RTRAF: variants seen among roughly 807,000 people sequenced by gnomAD.
RTRAF encodes the protein tRNA-splicing ligase complex subunit RTRAF.
A neutral mutation model predicts 34.4 loss-of-function variants in RTRAF; 14 were observed. That is an observed-to-expected ratio of 0.41 (90% CI 0.27 to 0.64). The LOEUF (loss-of-function observed/expected upper bound fraction) is 0.64, where lower values mean the gene tolerates loss of function less well. Among genes scored for constraint, RTRAF ranks in the 30% least tolerant of loss-of-function variants. The pLI is 0.34. For synonymous variants in RTRAF, 96 were observed against 95.3 expected (o/e 1.01, Z -0.04); for missense variants, 291 against 288.4 (o/e 1.01, Z -0.06).
rs1890836738 is a variant in RTRAF at position 52,007,611 on chromosome 14, A to C, written c.*3095A>C. 6.9e-6 allele frequency: 4 copies of C among 577,756 alleles called. No homozygotes were observed. In the African/African-American group the frequency reaches 7.6e-5, roughly 11 times the overall value. The allele number at this position is 577,756 out of a possible 1,614,324, so 35.8% of individuals were successfully genotyped here. On this transcript the variant is annotated 3_prime_UTR_variant, in exon 8 of 8. Coordinates refer to ENST00000261700, the MANE Select transcript of RTRAF (RefSeq NM_016039.3). ...AAGCAGTACAAACTTACTGCTTGAT[A>C]TATCCTTCCCTCCACCCAAACCCCA...
At chr14:51,996,970 T>G (rs1268412686) in intron 3 of RTRAF, among the ~76,000 whole-genome samples, 1 of 152,042 alleles carries the variant, frequency 6.6e-6, no homozygotes, top group Non-Finnish European at 1.5e-5. Flanking sequence ...ATATGATGTT[T>G]CCTCATGATT....
chr14:52,007,680 A>G lies in RTRAF; in HGVS notation c.*3164A>G. ...TCATTTACTAGTACTTAAATTTACT[A>G]GTACTTAAAAGTTTACAGACCAAAG... is the stretch of plus-strand genomic sequence containing the variant. On this transcript the variant is annotated 3_prime_UTR_variant, in exon 8 of 8. Transcript: ENST00000261700. 2.4e-6 allele frequency: 2 copies of G among 825,382 alleles called. No individual in the cohort carries two copies. The highest frequency in any genetic ancestry group is 2.0e-6 in the Non-Finnish European group (1 of 507,008). The allele number at this position is 825,382 out of a possible 1,614,324, so 51.1% of individuals were successfully genotyped here. A position where few individuals can be genotyped will look rare whatever the true frequency, so the allele number is the denominator to read the frequency against.
In RTRAF at chr14:52,004,549, G is replaced by A. The variant is rs1450405040; in HGVS notation, c.*33G>A. The A allele has an allele frequency of 1.9e-6, 3 of 1,561,340 alleles. No individual in the cohort carries two copies. The South Asian group carries it at 3.4e-5, about 18-fold the overall frequency. On this transcript the variant is annotated 3_prime_UTR_variant, in exon 8 of 8. Coordinates refer to ENST00000261700, the MANE Select transcript of RTRAF (RefSeq NM_016039.3). ...AGGACTTCAGCTTCTCACCTACTTA[G>A]TACAGTTGGGAACCATACACTTCTG...
At chr14:51,989,782 G>C (rs1334560231) in intron 1 of RTRAF, 82 bp downstream of exon 1, 41 of 1,398,112 alleles carry the variant, frequency 2.9e-5, no homozygotes, top group Non-Finnish European at 3.8e-5. Context: ...CCACCTCCCC[G>C]TCGGGACCCT....
rs1489550750 is a variant in RTRAF, at chr14:52,006,613, C to T, written c.*2097C>T. 1 of 1,613,904 alleles carries T rather than the reference C, an allele frequency of 6.2e-7. No individual in the cohort carries two copies. The highest frequency in any genetic ancestry group is 8.5e-7 in the Non-Finnish European group (1 of 1,179,808). On this transcript the variant is annotated 3_prime_UTR_variant, in exon 8 of 8. Transcript: ENST00000261700. ...GGGTACTTGAGGTTGTTTTGAATGACACGCCGTCCAGTTCCATCAGGTAGT... is the reference window on the plus strand; with the variant it reads ...GGGTACTTGAGGTTGTTTTGAATGATACGCCGTCCAGTTCCATCAGGTAGT...
chr14:51,993,826 C>T lies in RTRAF; in HGVS notation c.286+4C>T, dbSNP rs201352528. Reference sequence around the variant, plus strand: ...AGACTTGAATATGGAGATAATGGTACGTTTTGTGGGGAATGTGTATTTTAA... The same window carrying T: ...AGACTTGAATATGGAGATAATGGTATGTTTTGTGGGGAATGTGTATTTTAA... On this transcript the variant is annotated splice_donor_region_variant and intron_variant, in intron 3 of 7. Transcript: ENST00000261700. 320 of 1,504,472 alleles carry T rather than the reference C, an allele frequency of 2.1e-4. 2 individuals carry two copies. In the Middle Eastern group the frequency reaches 0.01, roughly 49 times the overall value. 93.2% of individuals were successfully genotyped at this position (1,504,472 alleles called of 1,614,324 possible).
At chr14:51,991,588 T>C in intron 2 of RTRAF, 147 bp downstream of exon 2, 1 of 892,098 alleles carries the variant, frequency 1.1e-6, no homozygotes, top group African/African-American at 1.7e-5. Flanking sequence ...GCTTTTTTCT[T>C]AGATGTGTCT....
rs1397920577 is a variant in RTRAF, at chr14:52,010,084, T to TGTTAA, written c.*5571_*5575dup. ...AGTTTTTAAGAGGGCTATTAATTCC[T>TGTTAA]GTTAAGTCAACTGGAATAGAGAAGG... On this transcript the variant is annotated 3_prime_UTR_variant, in exon 8 of 8. Transcript: ENST00000261700. 6.6e-6 allele frequency: 1 copy of TGTTAA among 152,236 alleles called. No homozygotes were observed. The highest frequency in any genetic ancestry group is 2.4e-5 in the African/African-American group (1 of 41,470). 9.4% of individuals were successfully genotyped at this position (152,236 alleles called of 1,614,324 possible).
intron 3 of RTRAF, among the ~76,000 whole-genome samples, chr14:51,994,931 T>C (rs1403124729): frequency 6.6e-6 from 1 of 151,698 alleles, no homozygotes; most frequent in African/African-American, 2.4e-5. Flanking sequence ...CATTTCATTC[T>C]ATCTACACAT....
intron 4 of RTRAF, among the ~76,000 whole-genome samples, chr14:51,998,804 AAT>A: frequency 6.6e-6 from 1 of 151,830 alleles, no homozygotes; most frequent in Non-Finnish European, 1.5e-5. Context: ...TGCTTCTAGT[AAT>A]TTGGAGTTTT....
chr14:52,006,576 A>G lies in RTRAF; in HGVS notation c.*2060A>G. ...GTGGTAGAAGTGATCTGCATAGCTT[A>G]CGATGCTGAAGGGGTACTTGAGGTT... is the stretch of plus-strand genomic sequence containing the variant. On this transcript the variant is annotated 3_prime_UTR_variant, in exon 8 of 8. Transcript: ENST00000261700. The G allele has an allele frequency of 6.2e-7, 1 of 1,613,864 alleles. No homozygotes were observed. Among genetic ancestry groups the G allele is most frequent in the Non-Finnish European group, 8.5e-7 (1 of 1,179,778 alleles).
chr14:52,003,504 C>T (rs1481637199), intron 6 of RTRAF, among the ~76,000 whole-genome samples: 4 of 151,958 alleles, frequency 2.6e-5, no homozygotes, highest in East Asian at 1.9e-4. Flanking sequence ...ATTGAAAGTA[C>T]GGGTAGTGTG....
At chr14:51,992,056 T>C (rs769921143) in intron 2 of RTRAF, among the ~76,000 whole-genome samples, 25 of 152,164 alleles carry the variant, frequency 1.6e-4, no homozygotes, top group Non-Finnish European at 3.5e-4. Flanking sequence ...GTCGTGTTTA[T>C]GCTTATATTT....
chr14:52,005,633 A>C lies in RTRAF; in HGVS notation c.*1117A>C, dbSNP rs555106732. On this transcript the variant is annotated 3_prime_UTR_variant, in exon 8 of 8. Coordinates refer to ENST00000261700, the MANE Select transcript of RTRAF (RefSeq NM_016039.3). The stretch of plus-strand genomic sequence containing the variant: ...AAGACTGGCCCTCAGGGCAGGAAGA[A>C]GGCAATGGTGGCAGTGTCACAGGCA... 1.5e-6 allele frequency: 2 copies of C among 1,373,542 alleles called. No homozygotes were observed. Among genetic ancestry groups the C allele is most frequent in the Non-Finnish European group, 2.1e-6 (2 of 964,884 alleles). The allele number at this position is 1,373,542 out of a possible 1,614,324, so 85.1% of individuals were successfully genotyped here.
chr14:52,004,363 T>C lies in RTRAF; in HGVS notation c.582T>C (p.Asp194=), dbSNP rs146600686. 1 of 1,613,428 alleles carries C rather than the reference T, an allele frequency of 6.2e-7. No individual in the cohort carries two copies. The highest frequency in any genetic ancestry group is 1.7e-5 in the Admixed American group (1 of 59,904). ...CAGTGTTCTTTTCTCATAAAACAGA[T>C]GCAGTTCTTAATGAAGCTGCTCAAA... ...DKHILGFDTG[D]AVLNEAAQIL... is the part of the protein sequence containing the mutation. Residue 194 remains aspartate, a splice_region_variant and synonymous_variant, in exon 8 of 8, where the codon GAT becomes GAC. Coordinates refer to ENST00000261700, the MANE Select transcript of RTRAF (RefSeq NM_016039.3).
At chr14:51,997,842 C>T (rs1275900942) in intron 3 of RTRAF, 1 of 151,758 alleles carries the variant, frequency 6.6e-6, no homozygotes, top group Non-Finnish European at 1.5e-5. Context: ...CTTAACCCTC[C>T]TCCCATTCTT....
intron 5 of RTRAF, 77 bp from the exon 6 acceptor site, chr14:52,001,721 T>G (rs1890604341): frequency 2.7e-6 from 3 of 1,126,778 alleles, no homozygotes; most frequent in Non-Finnish European, 3.9e-6. Context: ...ATGAGCATCC[T>G]TATTCTCTGG....
intron 1 of RTRAF, among the ~76,000 whole-genome samples, chr14:51,990,106 C>T (rs571638278): frequency 1.3e-5 from 2 of 152,112 alleles, no homozygotes; most frequent in African/African-American, 4.8e-5. Context: ...AACTTGAAGA[C>T]TAGTTCACTG....
chr14:52,001,757 A>T (rs1199884943), intron 5 of RTRAF, 41 bp from the exon 6 acceptor site: 5 of 1,539,968 alleles, frequency 3.2e-6, no homozygotes, highest in Non-Finnish European at 3.6e-6. Context: ...GATGACAGGT[A>T]CACAGCCTAT....
Sources: allele counts gnomAD v4.1 joint callset (sites outside exome capture counted in the v4.1 genomes callset), GRCh38; gene constraint gnomAD v4.1.1; transcripts MANE v1.5; gene names NCBI Gene and HGNC (gene_info 2026-07-23, HGNC 2026-07-21).